GPC3: variants seen among roughly 807,000 people sequenced by gnomAD.
GPC3 encodes glypican 3.
A neutral mutation model predicts 34.4 loss-of-function variants in GPC3; 3 were observed. That is an observed-to-expected ratio of 0.09 (90% CI 0.04 to 0.23). GPC3 has a LOEUF of 0.23. Among genes scored for constraint, GPC3 ranks in the 10% least tolerant of loss-of-function variants. GPC3 has a pLI of 1.00. For synonymous variants in GPC3, 177 were observed against 174.0 expected (o/e 1.02, Z -0.13); for missense variants, 351 against 445.6 (o/e 0.79, Z 1.91).
At chrX:133,811,006 C>T (rs996122495) in intron 2 of GPC3, among the ~76,000 whole-genome samples, 1 of 111,503 alleles carries the variant, frequency 9.0e-6, no homozygotes. Context: ...ACCTTAGCAT[C>T]CTAATCGTCT....
chrX:133,712,725 C>CAAAAAAA (rs780184204), intron 3 of GPC3, among the ~76,000 whole-genome samples: 1,807 of 103,107 alleles, frequency 0.018, 51 homozygotes, highest in African/African-American at 0.06. Context: ...ACTAAAAATA[C>CAAAAAAA]AAAAAAAAAA....
intron 5 of GPC3, among the ~76,000 whole-genome samples, chrX:133,669,233 A>G (rs2070802652): frequency 8.9e-6 from 1 of 112,374 alleles, no homozygotes; most frequent in African/African-American, 3.2e-5. Context: ...CCATGCCACT[A>G]GACACATACG....
At chrX:133,702,522 T>A (rs772994097) in intron 3 of GPC3, among the ~76,000 whole-genome samples, 23 of 111,312 alleles carry the variant, frequency 2.1e-4, no homozygotes, top group African/African-American at 6.9e-4. Context: ...TCCCTCCCCA[T>A]TGAAAGTCAG....
chrX:133,655,503 CACCCA>C (rs2070651625), intron 6 of GPC3, among the ~76,000 whole-genome samples: 1 of 106,074 alleles, frequency 9.4e-6, no homozygotes, highest in African/African-American at 3.7e-5. Flanking sequence ...CACACACACA[CACCCA>C]CACACACACA....
intron 7 of GPC3, among the ~76,000 whole-genome samples, chrX:133,542,306 G>A (rs1331514296): frequency 8.9e-6 from 1 of 111,765 alleles, no homozygotes; most frequent in Admixed American, 9.5e-5. Flanking sequence ...GAGCTTTGGG[G>A]GAGAAGTTGC....
intron 2 of GPC3, among the ~76,000 whole-genome samples, chrX:133,900,102 C>A (rs6634944): frequency 1.8e-5 from 2 of 111,567 alleles, no homozygotes; most frequent in Admixed American, 1.9e-4. Context: ...CGCGCCCGGC[C>A]GGTCTAATGG....
intron 2 of GPC3, chrX:133,763,788 G>A (rs1801125499): frequency 2.3e-6 from 1 of 430,797 alleles, no homozygotes; most frequent in Non-Finnish European, 4.1e-6. Flanking sequence ...TGGTGAGGAT[G>A]CAGAGAAAAG....
At chrX:133,701,981 T>G (rs2071171703) in intron 3 of GPC3, among the ~76,000 whole-genome samples, 2 of 112,548 alleles carry the variant, frequency 1.8e-5, no homozygotes, top group Non-Finnish European at 3.7e-5. Flanking sequence ...CCGAAGACAC[T>G]TAAAGACATT....
chrX:133,592,789 G>A (rs1011279204), intron 7 of GPC3, among the ~76,000 whole-genome samples: 7 of 111,304 alleles, frequency 6.3e-5, no homozygotes, highest in Non-Finnish European at 7.5e-5. Flanking sequence ...GTTCCCCCTC[G>A]ATTTAATAGT....
chrX:133,898,615 A>C (rs1347832414), intron 2 of GPC3, among the ~76,000 whole-genome samples: 1 of 112,085 alleles, frequency 8.9e-6, no homozygotes, highest in Admixed American at 9.5e-5. Flanking sequence ...CACTCACTTT[A>C]ATGTGGGAGA....
chrX:133,967,638 G>GT (rs1226989074), intron 1 of GPC3, among the ~76,000 whole-genome samples: 1 of 111,567 alleles, frequency 9.0e-6, no homozygotes, highest in Non-Finnish European at 1.9e-5. Flanking sequence ...GTTTTGTTTT[G>GT]TTTTTTTGAG....
chrX:133,777,692 C>T lies in GPC3; in HGVS notation c.338-23516G>A, dbSNP rs548536023. Among the ~76,000 whole-genome samples, 54 of 112,011 alleles carry T rather than the reference C, an allele frequency of 4.8e-4. 1 individual carries two copies. The South Asian group carries it at 0.021, about 43-fold the overall frequency. On this transcript the variant is annotated intron_variant, in intron 2 of 7. Coordinates refer to ENST00000370818, the MANE Select transcript of GPC3 (RefSeq NM_004484.4). ...TTGTTGGTCTGCAAACCTGTTATGT[C>T]AGAATCTCCTGGGGTGCTTGTTAAA...
intron 7 of GPC3, among the ~76,000 whole-genome samples, chrX:133,584,930 C>CAAAAAAAAAAAAAAAA (rs68159308): frequency 1.5e-5 from 1 of 68,270 alleles, no homozygotes; most frequent in Non-Finnish European, 2.8e-5. Flanking sequence ...TATAAAAAGC[C>CAAAAAAAAAAAAAAAA]AAAAAAAAAA....
At chrX:133,679,664 T>G (rs751879802) in intron 5 of GPC3, among the ~76,000 whole-genome samples, 1 of 110,877 alleles carries the variant, frequency 9.0e-6, no homozygotes, top group South Asian at 3.9e-4. Flanking sequence ...TTATTTTATT[T>G]TATTTTTTGA....
intron 6 of GPC3, among the ~76,000 whole-genome samples, chrX:133,618,902 A>T (rs1004503322): frequency 2.7e-5 from 3 of 111,243 alleles, no homozygotes; most frequent in African/African-American, 9.8e-5. Context: ...TGGAATGATG[A>T]CCCACAGAAT....
intron 7 of GPC3, among the ~76,000 whole-genome samples, chrX:133,545,566 T>C (rs2069376338): frequency 9.0e-6 from 1 of 111,094 alleles, no homozygotes; most frequent in Admixed American, 9.6e-5. Context: ...TAATGTGGAT[T>C]CTCTGAGAAG....
chrX:133,661,675 C>T, intron 6 of GPC3, 55 bp downstream of exon 6: 1 of 367,968 alleles, frequency 2.7e-6, no homozygotes, highest in East Asian at 1.3e-4. Context: ...CCCCCTCCTC[C>T]TCTCTCTCGG....
At chrX:133,818,636 C>T (rs2124533426) in intron 2 of GPC3, among the ~76,000 whole-genome samples, 1 of 111,334 alleles carries the variant, frequency 9.0e-6, no homozygotes, top group South Asian at 3.8e-4. Flanking sequence ...TGGTTGTCCC[C>T]CAGAATAGAA....
intron 2 of GPC3, among the ~76,000 whole-genome samples, chrX:133,923,241 G>A (rs760818287): frequency 9.0e-6 from 1 of 111,683 alleles, no homozygotes; most frequent in Non-Finnish European, 1.9e-5. Context: ...TTTAGTCAGG[G>A]AGAGGAGACA....
Sources: gnomAD v4.1 joint callset for allele counts (sites outside exome capture counted in the v4.1 genomes callset) on GRCh38, gnomAD v4.1.1 for gene constraint, MANE v1.5 for transcripts, NCBI Gene and HGNC (gene_info 2026-07-23, HGNC 2026-07-21) for gene names.